DNAH6: variants seen among roughly 807,000 people sequenced by gnomAD.
DNAH6 encodes the protein axonemal beta dynein heavy chain 6.
DNAH6 carries 340 observed loss-of-function variants against 491.4 expected under a neutral mutation model. That is an observed-to-expected ratio of 0.69 (90% CI 0.63 to 0.76). The LOEUF (loss-of-function observed/expected upper bound fraction) is 0.76. Among genes scored for constraint, DNAH6 ranks in the 30% least tolerant of loss-of-function variants. The pLI, the probability that DNAH6 is intolerant of heterozygous loss-of-function variation, is 0.00. For missense variants in DNAH6, 4,443 were observed against 4,972.2 expected, an observed-to-expected ratio of 0.89 and a Z score of 3.20; for synonymous variants, 1,603 against 1,686.1, an observed-to-expected ratio of 0.95 and a Z score of 1.21.
At chr2:84,653,206 AGAGAAAGATCAAT>A in intron 33 of DNAH6, 100 bp from the exon 34 acceptor site, 1 of 910,340 alleles carries the variant, frequency 1.1e-6, no homozygotes, top group South Asian at 1.8e-5. Flanking sequence ...ACATGTCAGA[AGAGAAAGATCAAT>A]GAGAAACAAT....
chr2:84,569,230 A>G (rs1681529892), intron 11 of DNAH6, among the ~76,000 whole-genome samples: 1 of 152,180 alleles, frequency 6.6e-6, no homozygotes, highest in Non-Finnish European at 1.5e-5. Context: ...ATTAATTAAT[A>G]TAGAGTGATT....
chr2:84,654,595 T>C (rs900056633), intron 34 of DNAH6, 65 bp from the exon 35 acceptor site: 11 of 1,537,412 alleles, frequency 7.2e-6, no homozygotes, highest in South Asian at 3.6e-5. Context: ...AGTGTGAACA[T>C]TGAAGTTGGA....
chr2:84,528,795 A>T, intron 3 of DNAH6, 109 bp from the exon 4 acceptor site: 1 of 1,102,092 alleles, frequency 9.1e-7, no homozygotes, highest in Non-Finnish European at 1.3e-6. Context: ...TTTGAGCCCT[A>T]GACATCTCAT....
intron 20 of DNAH6, among the ~76,000 whole-genome samples, chr2:84,606,289 C>T (rs2104298974): frequency 6.6e-6 from 1 of 152,306 alleles, no homozygotes; most frequent in South Asian, 2.1e-4. Context: ...CCAGACATCA[C>T]TCTGCGCAGG....
chr2:84,489,216 C>T, the DNAH6 span, among the ~76,000 whole-genome samples: 1 of 152,064 alleles, frequency 6.6e-6, no homozygotes, highest in African/African-American at 2.4e-5. Flanking sequence ...GGGTCAACAT[C>T]TAATTGAATA....
intron 26 of DNAH6, 72 bp downstream of exon 26, chr2:84,621,623 T>G: frequency 1.2e-6 from 1 of 811,590 alleles, no homozygotes. Context: ...AAAGCACAGT[T>G]AATGCAAATT....
chr2:84,584,356 TATA>T, intron 15 of DNAH6, 106 bp downstream of exon 15: 13 of 1,164,438 alleles, frequency 1.1e-5, no homozygotes, highest in Non-Finnish European at 1.1e-5. Context: ...ATTTACAATA[TATA>T]ATGTGATGTT....
At chr2:84,761,067 T>C (rs1380987318) in intron 63 of DNAH6, among the ~76,000 whole-genome samples, 1 of 152,220 alleles carries the variant, frequency 6.6e-6, no homozygotes, top group East Asian at 1.9e-4. Context: ...GGAATCGACC[T>C]ACATGTCCAT....
At chr2:84,593,945 C>A (rs552293711) in intron 16 of DNAH6, 27 bp from the exon 17 acceptor site, 2 of 1,320,750 alleles carry the variant, frequency 1.5e-6, no homozygotes, top group South Asian at 1.3e-5. Flanking sequence ...AACTAAATTA[C>A]GCATTTTGTT....
chr2:84,639,993 A>T lies in DNAH6; in HGVS notation c.4822-437A>T, dbSNP rs1341283316. Reference sequence around the variant, plus strand: ...CAGAGGAGAGGCTGACAATCTTTGCATGGCTTCCCTTGACTCCTCGGGAAA... The same window carrying T: ...CAGAGGAGAGGCTGACAATCTTTGCTTGGCTTCCCTTGACTCCTCGGGAAA... On this transcript the variant is annotated intron_variant, in intron 31 of 76. Transcript: ENST00000389394. Among the ~76,000 whole-genome samples, 4 of 152,346 alleles carry T rather than the reference A, an allele frequency of 2.6e-5. No homozygotes were observed. In the East Asian group the frequency reaches 5.8e-4, roughly 22 times the overall value.
intron 4 of DNAH6, among the ~76,000 whole-genome samples, chr2:84,537,896 C>T (rs1481899678): frequency 1.3e-5 from 2 of 152,010 alleles, no homozygotes; most frequent in Non-Finnish European, 2.9e-5. Context: ...TAGTGGGGTA[C>T]TAAGTCTTTG....
At chr2:84,664,773 A>C (rs1166781550) in intron 37 of DNAH6, among the ~76,000 whole-genome samples, 1 of 152,192 alleles carries the variant, frequency 6.6e-6, no homozygotes, top group Non-Finnish European at 1.5e-5. Context: ...AGAACTCTCC[A>C]CCCCAAATCA....
chr2:84,775,557 A>AT lies in DNAH6; in HGVS notation c.10704-5930dup, dbSNP rs543454470. On this transcript the variant is annotated intron_variant, in intron 64 of 76. Coordinates refer to ENST00000389394, the MANE Select transcript of DNAH6 (RefSeq NM_001370.2). ...TTAGAGAGGAGTCCTTCCTTTTTTG[A>AT]TTTTTTGGAATAGTTTCAGTAGGAT... Among the ~76,000 whole-genome samples, 73 of 151,490 alleles carry AT rather than the reference A, an allele frequency of 4.8e-4. No individual in the cohort carries two copies. The South Asian group carries it at 0.014, about 30-fold the overall frequency.
chr2:84,724,775 C>T (rs925517572), intron 60 of DNAH6, among the ~76,000 whole-genome samples: 4 of 152,114 alleles, frequency 2.6e-5, no homozygotes, highest in Admixed American at 2.6e-4. Flanking sequence ...TCCAAGAGGG[C>T]CTCTCCCCAA....
chr2:84,637,549 G>T (rs956606262), intron 31 of DNAH6, among the ~76,000 whole-genome samples, 172 bp downstream of exon 31: 1 of 152,112 alleles, frequency 6.6e-6, no homozygotes, highest in Non-Finnish European at 1.5e-5. Context: ...ATGTTTGTTT[G>T]TTTACTGCTA....
rs372986097 is a variant in DNAH6 at position 84,568,222 on chromosome 2, G to A, written c.1804-5245G>A. ...ATCTGACCCAGAAATCTCATTACCG[G>A]GTATATACCCAAAGGAAAATTCATT... On this transcript the variant is annotated intron_variant, in intron 11 of 76. Coordinates refer to ENST00000389394, the MANE Select transcript of DNAH6 (RefSeq NM_001370.2). Among the ~76,000 whole-genome samples, 8 of 151,978 alleles carry A rather than the reference G, an allele frequency of 5.3e-5. No homozygotes were observed. In the East Asian group the frequency reaches 7.7e-4, roughly 15 times the overall value.
At chr2:84,736,303 A>G (rs960877372) in intron 62 of DNAH6, among the ~76,000 whole-genome samples, 1 of 151,888 alleles carries the variant, frequency 6.6e-6, no homozygotes, top group Non-Finnish European at 1.5e-5. Context: ...GTCCTTTTTT[A>G]CTAGGATTGC....
intron 12 of DNAH6, among the ~76,000 whole-genome samples, chr2:84,574,892 CTG>C (rs1231617952): frequency 6.6e-6 from 1 of 152,192 alleles, no homozygotes; most frequent in African/African-American, 2.4e-5. Flanking sequence ...CGTTGGATAA[CTG>C]TGATCCCTCA....
chr2:84,653,705 G>T lies in DNAH6; in HGVS notation c.5465G>T (p.Arg1822Leu). ...GATGGTTTGATGGCACTAAGTGTCC[G>T]AGCAGCTGTGAATGATACTTCAGAA... The part of the protein sequence containing the change: ...WKDGLMALSV[R>L]AAVNDTSEDH... Residue 1822 changes from arginine (R) to leucine (L), a missense_variant, in exon 34 of 77, where the codon CGA becomes CTA. By Grantham distance (102) the Arg-to-Leu change is moderately radical. This residue lies in a region of DNAH6 where 2,977 missense variants were observed against 3,296.6 expected (regional missense o/e 0.90). Coordinates refer to ENST00000389394, the MANE Select transcript of DNAH6 (RefSeq NM_001370.2). 6.4e-7 allele frequency: 1 copy of T among 1,551,246 alleles called. No homozygotes were observed. The highest frequency in any genetic ancestry group is 8.7e-7 in the Non-Finnish European group (1 of 1,146,694).
Sources: gnomAD v4.1 joint callset for allele counts (sites outside exome capture counted in the v4.1 genomes callset) on GRCh38, gnomAD v4.1.1 for gene constraint, gnomAD v4.1.1 regional missense constraint, MANE v1.5 for transcripts, NCBI Gene and HGNC (gene_info 2026-07-23, HGNC 2026-07-21) for gene names.